DDX60: variants seen among roughly 807,000 people sequenced by gnomAD.
DDX60 encodes probable ATP-dependent RNA helicase DDX60.
Under a neutral mutation model 212.8 loss-of-function variants are expected in DDX60, and 165 were observed. The ratio of observed to expected loss-of-function variants is 0.78; its 90% CI spans 0.68 to 0.88. The LOEUF (loss-of-function observed/expected upper bound fraction) is 0.88, where lower values mean the gene tolerates loss of function less well. Ranked by LOEUF, DDX60 falls within the 40% of genes least tolerant of loss-of-function variation. The probability of loss-of-function intolerance (pLI) is 0.00; values close to 1 mark genes in which losing one functional copy is unlikely to be tolerated. For synonymous variants in DDX60, 703 were observed against 685.3 expected (o/e 1.03, Z -0.40); for missense variants, 1,905 against 2,003.9 (o/e 0.95, Z 0.94).
At chr4:168,292,878 A>G (rs1212210868) in intron 7 of DDX60, among the ~76,000 whole-genome samples, 1 of 152,234 alleles carries the variant, frequency 6.6e-6, no homozygotes, top group Non-Finnish European at 1.5e-5. Flanking sequence ...GAATGATTTA[A>G]AATACTATGT....
intron 25 of DDX60, among the ~76,000 whole-genome samples, chr4:168,257,568 A>G (rs1222595395): frequency 1.3e-5 from 2 of 152,150 alleles, no homozygotes; most frequent in Non-Finnish European, 2.9e-5. Flanking sequence ...CATTAATGCA[A>G]GTTACTGGGG....
chr4:168,286,038 GAAAGAAA>G (rs1214265031), intron 10 of DDX60, among the ~76,000 whole-genome samples: 1 of 131,676 alleles, frequency 7.6e-6, no homozygotes, highest in African/African-American at 2.8e-5. Flanking sequence ...AGGAAGGAAG[GAAAGAAA>G]AAAGAAAAAG....
At chr4:168,298,810 T>C (rs1234564582) in intron 6 of DDX60, among the ~76,000 whole-genome samples, 2 of 151,912 alleles carry the variant, frequency 1.3e-5, no homozygotes, top group African/African-American at 4.8e-5. Context: ...AAAAATTAAC[T>C]ATATGTTAAC....
intron 24 of DDX60, among the ~76,000 whole-genome samples, chr4:168,261,778 C>T (rs1199071878): frequency 1.3e-5 from 2 of 152,096 alleles, no homozygotes; most frequent in East Asian, 3.9e-4. Context: ...TAGAAGCAAC[C>T]AGTAGCCTCT....
Position 168,306,583 on chromosome 4 carries a change from G to A in DDX60, c.402C>T (p.Phe134=), listed in dbSNP as rs1560878700. The change falls in exon 5 of 38, where the codon TTC becomes TTT. Residue 134 remains phenylalanine (F), a synonymous_variant. Coordinates refer to ENST00000393743, the MANE Select transcript of DDX60 (RefSeq NM_017631.6). ...GGAAATATGGGTAACTCTCTTCCAA[G>A]AAACTTCCCCACTCTTTTGATAAGC... ...SRCLSKEWGS[F]LEESYPYFLI... is the part of the protein sequence containing the mutation. 2 of 1,614,164 alleles carry A rather than the reference G, an allele frequency of 1.2e-6. No individual in the cohort carries two copies. Among genetic ancestry groups the A allele is most frequent in the Admixed American group, 1.7e-5 (1 of 60,026 alleles).
intron 22 of DDX60, chr4:168,263,539 G>A (rs1366118918): frequency 2.6e-5 from 4 of 152,098 alleles, no homozygotes; most frequent in Admixed American, 6.6e-5. Context: ...TATTGAAACC[G>A]AATCCCCAAT....
chr4:168,238,236 CAAAAAA>C (rs57638327), intron 30 of DDX60, among the ~76,000 whole-genome samples: 2 of 80,892 alleles, frequency 2.5e-5, no homozygotes, highest in African/African-American at 4.2e-5. Flanking sequence ...TATGAAATTC[CAAAAAA>C]AAAAAAAAAA....
At chr4:168,229,266 G>A (rs1733363869) in intron 33 of DDX60, among the ~76,000 whole-genome samples, 1 of 152,116 alleles carries the variant, frequency 6.6e-6, no homozygotes, top group Admixed American at 6.6e-5. Flanking sequence ...TCCAGATCAT[G>A]GGAGAAGGAT....
chr4:168,289,461 A>G (rs1334573622), intron 8 of DDX60, among the ~76,000 whole-genome samples: 1 of 152,134 alleles, frequency 6.6e-6, no homozygotes, highest in East Asian at 1.9e-4. Context: ...GAATATTTGA[A>G]CTCCCTGTCC....
At chr4:168,230,584 G>T (rs1374102796) in intron 33 of DDX60, among the ~76,000 whole-genome samples, 1 of 152,128 alleles carries the variant, frequency 6.6e-6, no homozygotes, top group East Asian at 1.9e-4. Context: ...GCTCCTGAAT[G>T]ATTATTGGGT....
At chr4:168,306,857 T>C in intron 4 of DDX60, 137 bp from the exon 5 acceptor site, 1 of 645,190 alleles carries the variant, frequency 1.5e-6, no homozygotes, top group Non-Finnish European at 2.6e-6. Context: ...AATAGACCCC[T>C]AAACTTTACT....
chr4:168,291,393 A>G (rs1736094967), intron 8 of DDX60, among the ~76,000 whole-genome samples: 2 of 152,324 alleles, frequency 1.3e-5, no homozygotes, highest in South Asian at 2.1e-4. Flanking sequence ...AATATTCTCT[A>G]TAAGAGTTGA....
the DDX60 span, among the ~76,000 whole-genome samples, chr4:168,324,232 T>C: frequency 6.6e-6 from 1 of 152,290 alleles, no homozygotes; most frequent in Admixed American, 6.5e-5. Flanking sequence ...GGTCACAGGC[T>C]TGGGGGCTGT....
At chr4:168,222,655 G>C (rs1000925994) in intron 35 of DDX60, among the ~76,000 whole-genome samples, 1 of 152,006 alleles carries the variant, frequency 6.6e-6, no homozygotes, top group African/African-American at 2.4e-5. Context: ...TATCAACTGC[G>C]TTCACTCCTG....
In DDX60 at chr4:168,293,838, G is replaced by C; in HGVS notation, c.831C>G (p.Arg277=). ...AGGAGGGCTCTCTGTTTCCTAAAAA[G>C]CGATGGTACATTCTCAAAGATAATG... ...SCSLSLRMYH[R]FLGNREPSSG... Residue 277 remains arginine, a synonymous_variant, in exon 7 of 38, where the codon CGC becomes CGG. Transcript: ENST00000393743. 2 of 1,613,900 alleles carry C rather than the reference G, an allele frequency of 1.2e-6. No individual in the cohort carries two copies. Among genetic ancestry groups the C allele is most frequent in the Non-Finnish European group, 1.7e-6 (2 of 1,179,932 alleles).
At chr4:168,277,657 G>A (rs1009372337) in intron 14 of DDX60, among the ~76,000 whole-genome samples, 1 of 151,640 alleles carries the variant, frequency 6.6e-6, no homozygotes, top group African/African-American at 2.4e-5. Flanking sequence ...CTAACATGGT[G>A]AATTAGCCGG....
chr4:168,300,579 A>AGTGTGTGT (rs1736605144), intron 6 of DDX60, among the ~76,000 whole-genome samples: 1 of 135,622 alleles, frequency 7.4e-6, no homozygotes, highest in Admixed American at 7.5e-5. Flanking sequence ...TTAACACCAG[A>AGTGTGTGT]ATGTGTGTGT....
intron 33 of DDX60, among the ~76,000 whole-genome samples, chr4:168,234,085 C>A (rs904574173): frequency 6.6e-6 from 1 of 152,040 alleles, no homozygotes; most frequent in African/African-American, 2.4e-5. Flanking sequence ...AAAAAGAAAT[C>A]TAGCATTCTC....
In DDX60 at chr4:168,280,363, G is replaced by C. The variant is rs1321089601; in HGVS notation, c.1950C>G (p.Ala650=). 6.2e-7 allele frequency: 1 copy of C among 1,613,220 alleles called. No homozygotes were observed. The highest frequency in any genetic ancestry group is 1.1e-5 in the South Asian group (1 of 90,946). ...CTTCACTTCGGCAATGTTCTTTCCA[G>C]GCTTTCAAGCAAGCAGTTAACCCCA... is the stretch of plus-strand genomic sequence containing the variant. The part of the protein sequence containing the change: ...EMVGLTACLK[A]WKEHCRSEEG... Residue 650 remains alanine, a synonymous_variant, in exon 14 of 38, where the codon GCC becomes GCG. Coordinates refer to ENST00000393743, the MANE Select transcript of DDX60 (RefSeq NM_017631.6).
Sources: gnomAD v4.1 joint callset for allele counts (sites outside exome capture counted in the v4.1 genomes callset) on GRCh38, gnomAD v4.1.1 for gene constraint, MANE v1.5 for transcripts, NCBI Gene and HGNC (gene_info 2026-07-23, HGNC 2026-07-21) for gene names.